PDE1C: variants seen among roughly 807,000 people sequenced by gnomAD.
The protein encoded by PDE1C is phosphodiesterase 1C.
PDE1C carries 62 observed loss-of-function variants against 93.1 expected under a neutral mutation model. The observed-to-expected ratio is 0.67, with a 90% confidence interval of 0.54 to 0.82. The LOEUF is 0.82. Among genes scored for constraint, PDE1C ranks in the 40% least tolerant of loss-of-function variants. The pLI is 0.00. For synonymous variants in PDE1C, 325 were observed against 310.1 expected, an observed-to-expected ratio of 1.05 and a Z score of -0.50; for missense variants, 742 against 884.6, an observed-to-expected ratio of 0.84 and a Z score of 2.04.
At chr7:32,014,518 A>C (rs189832505) in intron 2 of PDE1C, among the ~76,000 whole-genome samples, 73 of 152,156 alleles carry the variant, frequency 4.8e-4, no homozygotes, top group African/African-American at 1.7e-3. Flanking sequence ...GGTTTGTTAC[A>C]CAGGTATACA....
At chr7:32,277,502 A>T (rs1242374778) in intron 1 of PDE1C, among the ~76,000 whole-genome samples, 1 of 152,234 alleles carries the variant, frequency 6.6e-6, no homozygotes, top group African/African-American at 2.4e-5. Flanking sequence ...ACAAAAACAT[A>T]GAAAAAGATT....
the PDE1C span, among the ~76,000 whole-genome samples, chr7:31,713,355 T>C: frequency 1.3e-5 from 2 of 152,252 alleles, no homozygotes; most frequent in African/African-American, 2.4e-5. Flanking sequence ...GTCACGCTGA[T>C]GCAAGAGGTG....
chr7:32,073,740 T>A (rs1023615179), upstream of PDE1C, among the ~76,000 whole-genome samples: 1 of 152,212 alleles, frequency 6.6e-6, no homozygotes, highest in African/African-American at 2.4e-5. Flanking sequence ...TCTCTCTTCA[T>A]CTATCACAGC....
chr7:32,073,169 A>G (rs1262378712), upstream of PDE1C, among the ~76,000 whole-genome samples: 1 of 152,232 alleles, frequency 6.6e-6, no homozygotes, highest in Non-Finnish European at 1.5e-5. Context: ...TTTGGAAGAA[A>G]AAGGAAAGAA....
At chr7:31,757,794 T>A (rs1440134822) in intron 17 of PDE1C, among the ~76,000 whole-genome samples, 1 of 152,226 alleles carries the variant, frequency 6.6e-6, no homozygotes, top group Non-Finnish European at 1.5e-5. Context: ...ATCCCATTAC[T>A]GGGTATATAC....
chr7:31,791,370 T>C (rs1053048697), intron 16 of PDE1C, among the ~76,000 whole-genome samples: 1 of 152,122 alleles, frequency 6.6e-6, no homozygotes, highest in Non-Finnish European at 1.5e-5. Flanking sequence ...ATCACTTTAC[T>C]CCAATACTAG....
chr7:31,786,943 ATCTATCTATCT>A (rs1784050564), intron 16 of PDE1C: 1 of 78,118 alleles, frequency 1.3e-5, no homozygotes, highest in East Asian at 3.2e-4. Context: ...CTATCTATCT[ATCTATCTATCT>A]ATCATCTATC....
At chr7:32,396,009 G>T (rs1364548946) in intron 1 of PDE1C, among the ~76,000 whole-genome samples, 2 of 152,092 alleles carry the variant, frequency 1.3e-5, no homozygotes, top group South Asian at 2.1e-4. Flanking sequence ...AAAAGTGAAC[G>T]CAATCACAAT....
At chr7:31,704,106 C>T in the PDE1C span, among the ~76,000 whole-genome samples, 4 of 152,294 alleles carry the variant, frequency 2.6e-5, no homozygotes, top group Admixed American at 1.3e-4. Context: ...AGAGAATCCT[C>T]CTGGAAAATT....
chr7:31,652,021 G>C, the PDE1C span: 2 of 1,602,808 alleles, frequency 1.2e-6, no homozygotes, highest in Non-Finnish European at 1.7e-6. Flanking sequence ...AGGAGACCGG[G>C]CTCAGCAAAT....
chr7:31,903,457 C>T (rs1239373381), intron 2 of PDE1C, among the ~76,000 whole-genome samples: 1 of 151,852 alleles, frequency 6.6e-6, no homozygotes, highest in East Asian at 1.9e-4. Flanking sequence ...TAAAGATATT[C>T]AACTGGTGAA....
At chr7:31,791,580 T>C (rs1221157868) in intron 16 of PDE1C, among the ~76,000 whole-genome samples, 1 of 152,106 alleles carries the variant, frequency 6.6e-6, no homozygotes, top group African/African-American at 2.4e-5. Flanking sequence ...AGAGTCATCA[T>C]AATACTAACC....
chr7:31,954,547 TAAC>T (rs1442647261), intron 2 of PDE1C, among the ~76,000 whole-genome samples: 1 of 152,208 alleles, frequency 6.6e-6, no homozygotes, highest in Non-Finnish European at 1.5e-5. Context: ...CCTCTATAAC[TAAC>T]AATTAATTAT....
chr7:31,747,023 A>G (rs143352497), downstream of PDE1C, among the ~76,000 whole-genome samples: 1 of 152,314 alleles, frequency 6.6e-6, no homozygotes, highest in East Asian at 1.9e-4. Context: ...AGTAGAGGAC[A>G]CAATCAATCC....
At chr7:32,192,305 G>GT (rs886959624) in intron 2 of PDE1C, among the ~76,000 whole-genome samples, 50 of 152,082 alleles carry the variant, frequency 3.3e-4, no homozygotes, top group African/African-American at 1.2e-3. Flanking sequence ...AAGATTTTCT[G>GT]TTTTTTCTAT....
the PDE1C span, among the ~76,000 whole-genome samples, chr7:31,727,826 G>T: frequency 6.6e-6 from 1 of 152,158 alleles, no homozygotes; most frequent in Non-Finnish European, 1.5e-5. Context: ...AGGATCACTT[G>T]AGGTCAGGAG....
chr7:32,236,024 G>A (rs187932959), intron 1 of PDE1C, among the ~76,000 whole-genome samples: 123 of 152,150 alleles, frequency 8.1e-4, no homozygotes, highest in African/African-American at 2.9e-3. Context: ...CAATTGCAAA[G>A]CACTTTAATG....
chr7:31,679,828 G>A, the PDE1C span, among the ~76,000 whole-genome samples: 9 of 152,282 alleles, frequency 5.9e-5, no homozygotes, highest in East Asian at 3.9e-4. Flanking sequence ...AGGCTTTGGC[G>A]ACACAGTGGG....
chr7:32,077,640 C>T (rs111795350), intron 3 of PDE1C, among the ~76,000 whole-genome samples: 10,515 of 151,140 alleles, frequency 0.07, 389 homozygotes, highest in Non-Finnish European at 0.078. Flanking sequence ...GGTGTGATCT[C>T]GGCTCACTGC....
Sources: gnomAD v4.1 joint callset for allele counts (sites outside exome capture counted in the v4.1 genomes callset) on GRCh38, gnomAD v4.1.1 for gene constraint, MANE v1.5 for transcripts, NCBI Gene and HGNC (gene_info 2026-07-23, HGNC 2026-07-21) for gene names.